The following ELMO1 variants were observed in gnomAD, a reference collection of about 807,000 sequenced individuals.
ELMO1 encodes engulfment and cell motility protein 1.
In ELMO1, 26 loss-of-function variants were observed where a neutral mutation model predicts 98.9. That is an observed-to-expected ratio of 0.26 (90% confidence interval 0.19 to 0.36). The LOEUF (loss-of-function observed/expected upper bound fraction) is 0.36. ELMO1 is among the 10% of genes least tolerant of loss of function. ELMO1 has a pLI of 1.00. For missense variants in ELMO1, 627 were observed against 935.2 expected (o/e 0.67, Z 4.30); for synonymous variants, 346 against 346.0 (o/e 1.00, Z 0.00).
At chr7:36,970,621 T>C (rs1329828251) in intron 16 of ELMO1, among the ~76,000 whole-genome samples, 11 of 152,234 alleles carry the variant, frequency 7.2e-5, no homozygotes, top group Non-Finnish European at 1.6e-4. Flanking sequence ...GCATGTAGTA[T>C]ACACTTGATA....
At chr7:36,985,225 T>C in intron 16 of ELMO1, 1 of 585,804 alleles carries the variant, frequency 1.7e-6, no homozygotes, top group Non-Finnish European at 2.1e-6. Flanking sequence ...TTGCAAACCC[T>C]CTCTGGTTTT....
chr7:37,296,695 A>AG (rs1157980649), intron 4 of ELMO1, among the ~76,000 whole-genome samples: 2 of 152,334 alleles, frequency 1.3e-5, no homozygotes, highest in Non-Finnish European at 1.5e-5. Flanking sequence ...CTGTCAACAC[A>AG]GAGCATTAGC....
intron 13 of ELMO1, among the ~76,000 whole-genome samples, chr7:37,207,526 G>A (rs1213441697): frequency 6.6e-6 from 1 of 152,124 alleles, no homozygotes; most frequent in Admixed American, 6.6e-5. Flanking sequence ...ACTCCAGCCT[G>A]GGTGACAGAG....
At chr7:37,447,438 G>A (rs772790177) in intron 1 of ELMO1, among the ~76,000 whole-genome samples, 4 of 152,028 alleles carry the variant, frequency 2.6e-5, no homozygotes, top group Non-Finnish European at 5.9e-5. Context: ...TATATTCACT[G>A]AGTCTCGGGA....
At chr7:37,250,200 A>G (rs1301399955) in intron 6 of ELMO1, among the ~76,000 whole-genome samples, 2 of 152,240 alleles carry the variant, frequency 1.3e-5, no homozygotes, top group Non-Finnish European at 2.9e-5. Flanking sequence ...TTGTATATTA[A>G]TTGTACATAA....
chr7:37,164,377 A>G (rs1789478591), intron 13 of ELMO1, among the ~76,000 whole-genome samples: 1 of 151,942 alleles, frequency 6.6e-6, no homozygotes, highest in South Asian at 2.1e-4. Flanking sequence ...TTTTGTTGCC[A>G]TTGCTTTTGG....
chr7:36,928,986 C>T (rs1785806431), intron 16 of ELMO1, among the ~76,000 whole-genome samples: 1 of 152,250 alleles, frequency 6.6e-6, no homozygotes, highest in Admixed American at 6.5e-5. Context: ...GAAGTTTTAT[C>T]TGGCCAGCCA....
chr7:37,116,891 C>G (rs1399854912), intron 14 of ELMO1: 1 of 205,526 alleles, frequency 4.9e-6, no homozygotes, highest in Non-Finnish European at 1.0e-5. Context: ...GCAAGGAGAT[C>G]ACCATTATCT....
rs1041153111 is a variant in ELMO1 at position 37,050,657 on chromosome 7, C to A, written c.1301-37222G>T. ...ACACACACACACACACACACACACA[C>A]ACAAAAGGTAACTATGTGAAATAAG... On this transcript the variant is annotated intron_variant, in intron 15 of 21. Transcript: ENST00000310758. 4.6e-3 allele frequency among the ~76,000 whole-genome samples: 662 copies of A among 145,004 alleles called. 2 individuals carry two copies. The highest frequency in any genetic ancestry group is 0.01 in the African/African-American group (399 of 39,264).
chr7:37,147,478 A>G lies in ELMO1; in HGVS notation c.1087-14244T>C, dbSNP rs189717317. Among the ~76,000 whole-genome samples, 89 of 152,290 alleles carry G rather than the reference A, an allele frequency of 5.8e-4. 2 individuals carry two copies. The highest frequency in any genetic ancestry group is 1.9e-3 in the African/African-American group (78 of 41,540). The stretch of plus-strand genomic sequence containing the variant: ...ATACCCCAGGTTCAATGAAGCTCTA[A>G]GACCACCTCCAAGTGTCACTAAGGG... On this transcript the variant is annotated intron_variant, in intron 13 of 21. Coordinates refer to ENST00000310758, the MANE Select transcript of ELMO1 (RefSeq NM_014800.11).
chr7:37,409,187 G>A (rs4446645), intron 1 of ELMO1, among the ~76,000 whole-genome samples: 73,863 of 151,324 alleles, frequency 0.49, 18,566 homozygotes, highest in East Asian at 0.62. Flanking sequence ...CCAAAAGTTC[G>A]TGGGTAGCTT....
chr7:37,240,351 T>C (rs1463041621), intron 7 of ELMO1, among the ~76,000 whole-genome samples: 4 of 152,210 alleles, frequency 2.6e-5, no homozygotes, highest in Admixed American at 2.6e-4. Context: ...AATATTCTTT[T>C]ATTTTATTTC....
At chr7:36,903,284 C>CA (rs1345546253) in intron 16 of ELMO1, among the ~76,000 whole-genome samples, 1 of 152,202 alleles carries the variant, frequency 6.6e-6, no homozygotes, top group Non-Finnish European at 1.5e-5. Flanking sequence ...CACCCTTTAT[C>CA]ATTCTTCCTG....
chr7:36,995,392 C>T (rs1470852711), intron 16 of ELMO1, among the ~76,000 whole-genome samples: 1 of 151,976 alleles, frequency 6.6e-6, no homozygotes, highest in Admixed American at 6.6e-5. Flanking sequence ...CCTTTAGTCC[C>T]AGCTACTTGG....
At chr7:37,314,759 AC>A in intron 4 of ELMO1, 90 bp downstream of exon 4, 1 of 1,197,374 alleles carries the variant, frequency 8.4e-7, no homozygotes, top group Non-Finnish European at 1.2e-6. Context: ...TAAAATTTAG[AC>A]CTGCATGTCT....
intron 18 of ELMO1, among the ~76,000 whole-genome samples, chr7:36,885,339 A>G (rs893209325): frequency 2.1e-4 from 32 of 152,076 alleles, no homozygotes; most frequent in Admixed American, 1.2e-3. Context: ...AACAACAACA[A>G]CAACAACAAC....
intron 6 of ELMO1, among the ~76,000 whole-genome samples, chr7:37,256,130 C>T (rs571009230): frequency 1.1e-4 from 17 of 152,276 alleles, no homozygotes; most frequent in African/African-American, 3.6e-4. Context: ...ACTTCCCTCT[C>T]GCTGATTCAA....
intron 13 of ELMO1, among the ~76,000 whole-genome samples, chr7:37,187,976 G>C (rs192418504): frequency 1.1e-3 from 167 of 151,898 alleles, no homozygotes; most frequent in Admixed American, 2.0e-3. Flanking sequence ...GGTTTCCTTT[G>C]TCTAATCATT....
At chr7:37,258,885 T>C (rs1795834774) in intron 6 of ELMO1, among the ~76,000 whole-genome samples, 1 of 152,010 alleles carries the variant, frequency 6.6e-6, no homozygotes. Flanking sequence ...TATACTTTCA[T>C]TGTTGCCAAG....
Sources: gnomAD v4.1 joint callset for allele counts (sites outside exome capture counted in the v4.1 genomes callset) on GRCh38, gnomAD v4.1.1 for gene constraint, MANE v1.5 for transcripts, NCBI Gene and HGNC (gene_info 2026-07-23, HGNC 2026-07-21) for gene names.